Variants in PALS2 observed in about 807,000 individuals in gnomAD.
PALS2 encodes the protein protein PALS2.
In PALS2, 27 loss-of-function variants were observed where a neutral mutation model predicts 61.6. The ratio of observed to expected loss-of-function variants is 0.44; its 90% CI spans 0.32 to 0.60. The LOEUF (loss-of-function observed/expected upper bound fraction) is 0.60, where lower values mean the gene tolerates loss of function less well. Among genes scored for constraint, PALS2 ranks in the 20% least tolerant of loss-of-function variants. PALS2 has a pLI of 0.05. For missense variants in PALS2, 554 were observed against 639.4 expected, an observed-to-expected ratio of 0.87 and a Z score of 1.44; for synonymous variants, 236 against 218.6, an observed-to-expected ratio of 1.08 and a Z score of -0.70.
At chr7:24,644,037 T>C (rs1785698490) in intron 3 of PALS2, among the ~76,000 whole-genome samples, 1 of 152,042 alleles carries the variant, frequency 6.6e-6, no homozygotes, top group African/African-American at 2.4e-5. Context: ...CTATCAACCA[T>C]GTACCTACTG....
chr7:24,668,208 A>G (rs1480558625), intron 8 of PALS2, among the ~76,000 whole-genome samples: 1 of 152,000 alleles, frequency 6.6e-6, no homozygotes, highest in East Asian at 1.9e-4. Context: ...CTGTGGTTTC[A>G]TTTACTCGGG....
chr7:24,654,773 G>A (rs954656496), intron 5 of PALS2, among the ~76,000 whole-genome samples: 1 of 152,122 alleles, frequency 6.6e-6, no homozygotes, highest in Admixed American at 6.5e-5. Context: ...AAGCAGGAAT[G>A]GGGTCTGATT....
chr7:24,681,459 C>A (rs1232807899), intron 11 of PALS2, among the ~76,000 whole-genome samples: 2 of 150,872 alleles, frequency 1.3e-5, no homozygotes, highest in African/African-American at 4.9e-5. Context: ...ACCATTAATA[C>A]AACAAAAATT....
chr7:24,655,328 A>G (rs1248222567), intron 5 of PALS2, among the ~76,000 whole-genome samples: 1 of 152,212 alleles, frequency 6.6e-6, no homozygotes, highest in Admixed American at 6.5e-5. Context: ...GTTTAAAATA[A>G]CTATATAAAG....
chr7:24,628,135 C>T (rs532645358), intron 2 of PALS2, among the ~76,000 whole-genome samples: 6 of 152,214 alleles, frequency 3.9e-5, no homozygotes, highest in South Asian at 2.1e-4. Flanking sequence ...ACTGGCAAAC[C>T]GAATCCAGCA....
At chr7:24,673,781 A>G (rs990525697) in intron 9 of PALS2, among the ~76,000 whole-genome samples, 2 of 150,886 alleles carry the variant, frequency 1.3e-5, no homozygotes, top group Middle Eastern at 3.2e-3. Context: ...CTACTTTCTA[A>G]TTTTTGCTAT....
chr7:24,619,762 G>C (rs1486283696), intron 1 of PALS2, among the ~76,000 whole-genome samples: 1 of 151,104 alleles, frequency 6.6e-6, no homozygotes, highest in Non-Finnish European at 1.5e-5. Context: ...CCATTTATGT[G>C]TTATTGAATC....
intron 1 of PALS2, among the ~76,000 whole-genome samples, chr7:24,611,521 G>A (rs1169327346): frequency 1.3e-5 from 2 of 151,934 alleles, no homozygotes; most frequent in African/African-American, 4.8e-5. Flanking sequence ...TGTCCCAGAT[G>A]TGGCCTAGTT....
At chr7:24,605,726 C>T (rs1346861418) in intron 1 of PALS2, among the ~76,000 whole-genome samples, 2 of 151,928 alleles carry the variant, frequency 1.3e-5, no homozygotes, top group African/African-American at 2.4e-5. Flanking sequence ...GCTCTTGTCT[C>T]TATCCAGTAA....
rs944682650 is a variant in PALS2 at position 24,618,637 on chromosome 7, G to C, written c.-2-5029G>C. 6.6e-6 allele frequency among the ~76,000 whole-genome samples: 1 copy of C among 152,210 alleles called. No individual in the cohort carries two copies. Among genetic ancestry groups the C allele is most frequent in the African/African-American group, 2.4e-5 (1 of 41,458 alleles). On this transcript the variant is annotated intron_variant, in intron 1 of 11. Coordinates refer to ENST00000222644, the MANE Select transcript of PALS2 (RefSeq NM_001303037.2). The surrounding 1 kb of genome is among the most constrained non-coding windows in gnomAD (Gnocchi z 5.1). ...AGTAAGGATTGCATGTGTTTGCAGTGGGAGTGGAGGCTGCTGAGGTTCCTC... is the reference window on the plus strand; with the variant it reads ...AGTAAGGATTGCATGTGTTTGCAGTCGGAGTGGAGGCTGCTGAGGTTCCTC...
At position 24,689,918 on chromosome 7, in the gene PALS2, A is replaced by G. The variant is rs1397294019; in HGVS notation, c.*2304A>G. ...CTTTAAACAGCTTTGGGATAATTAT[A>G]GCAGCACAAGAAGTTTATCTGCAAA... On this transcript the variant is annotated 3_prime_UTR_variant, in exon 12 of 12. Transcript: ENST00000222644. 1 of 152,240 alleles carries G rather than the reference A, an allele frequency of 6.6e-6. No homozygotes were observed. Among genetic ancestry groups the G allele is most frequent in the African/African-American group, 2.4e-5 (1 of 41,466 alleles). The allele number at this position is 152,240 out of a possible 1,614,324, so 9.4% of individuals were successfully genotyped here. A position where few individuals can be genotyped will look rare whatever the true frequency, so the allele number is the denominator to read the frequency against.
chr7:24,687,374 T>C lies in PALS2; in HGVS notation c.1447-64T>C. ...ACCTATTTATTATATTCACTTCTAG[T>C]TGGAGTTTGAGCAAGTAAATATGCA... On this transcript the variant is annotated intron_variant, in intron 11 of 11. Transcript: ENST00000222644. The surrounding 1 kb of genome is among the most constrained non-coding windows in gnomAD (Gnocchi z 4.5). 1.6e-6 allele frequency: 2 copies of C among 1,220,326 alleles called. No homozygotes were observed. The highest frequency in any genetic ancestry group is 2.4e-6 in the Non-Finnish European group (2 of 850,242). The allele number at this position is 1,220,326 out of a possible 1,614,324, so 75.6% of individuals were successfully genotyped here. A position where few individuals can be genotyped will look rare whatever the true frequency, so the allele number is the denominator to read the frequency against.
At chr7:24,578,430 A>T (rs761426839) in intron 1 of PALS2, among the ~76,000 whole-genome samples, 119 of 152,358 alleles carry the variant, frequency 7.8e-4, no homozygotes, top group Non-Finnish European at 1.3e-3. Context: ...TCTTTTGGCC[A>T]TAAGTAATAG....
intron 1 of PALS2, among the ~76,000 whole-genome samples, chr7:24,576,248 A>AT (rs1277679047): frequency 6.6e-6 from 1 of 152,092 alleles, no homozygotes; most frequent in Non-Finnish European, 1.5e-5. Flanking sequence ...TAAAGATTTT[A>AT]TTTTTTTGTT....
Position 24,596,610 on chromosome 7 carries a change from A to T in PALS2, c.-3+23017A>T, listed in dbSNP as rs1235123033. Among the ~76,000 whole-genome samples, 10 of 152,226 alleles carry T rather than the reference A, an allele frequency of 6.6e-5. No individual in the cohort carries two copies. In the East Asian group the frequency reaches 1.9e-3, roughly 29 times the overall value. ...TAATGAAGTTTTGACTTGCTTTGTT[A>T]ATTAGTGGTTGGGTGAATAAAAATT... On this transcript the variant is annotated intron_variant, in intron 1 of 11. Coordinates refer to ENST00000222644, the MANE Select transcript of PALS2 (RefSeq NM_001303037.2). The surrounding 1 kb of genome is among the most constrained non-coding windows in gnomAD (Gnocchi z 4.5).
chr7:24,624,271 A>T (rs957365138), intron 2 of PALS2: 2 of 394,928 alleles, frequency 5.1e-6, no homozygotes, highest in Admixed American at 4.5e-5. Context: ...TCTTTAACTC[A>T]TTGATAAGTA....
rs560028732 is a variant in PALS2, at chr7:24,601,062, T to C, written c.-2-22604T>C. Among the ~76,000 whole-genome samples the C allele has an allele frequency of 9.9e-5, 15 of 152,278 alleles. 1 individual carries two copies. The South Asian group carries it at 3.1e-3, about 32-fold the overall frequency. ...CATCGAACATTTTTAGCTGACTGTT[T>C]TGGTATCATGTCAGTAAATGGTGTG... is the stretch of plus-strand genomic sequence containing the variant. On this transcript the variant is annotated intron_variant, in intron 1 of 11. Transcript: ENST00000222644.
intron 9 of PALS2, among the ~76,000 whole-genome samples, chr7:24,671,835 A>G (rs753302499): frequency 2.6e-5 from 4 of 152,008 alleles, no homozygotes; most frequent in Non-Finnish European, 5.9e-5. Context: ...ACCCTTTTTG[A>G]AAATCAATTG....
chr7:24,663,371 T>G, intron 5 of PALS2: 1 of 349,510 alleles, frequency 2.9e-6, no homozygotes, highest in Non-Finnish European at 5.1e-6. Context: ...TGATTTAAAG[T>G]TAGATATTAA....
Sources: allele counts gnomAD v4.1 joint callset (sites outside exome capture counted in the v4.1 genomes callset), GRCh38; gene constraint gnomAD v4.1.1; non-coding constraint Gnocchi (gnomAD v3.1); transcripts MANE v1.5; gene names NCBI Gene and HGNC (gene_info 2026-07-23, HGNC 2026-07-21).